Variants in PHKB observed in about 807,000 individuals in gnomAD.
PHKB encodes phosphorylase kinase regulatory subunit beta, also known as phosphorylase b kinase regulatory subunit beta.
Under a neutral mutation model 152.1 loss-of-function variants are expected in PHKB, and 122 were observed. The observed-to-expected ratio is 0.80, with a 90% CI of 0.69 to 0.93. The LOEUF is 0.93. PHKB is among the 40% of genes least tolerant of loss of function. PHKB has a pLI of 0.00. For missense variants in PHKB, 1,304 were observed against 1,328.4 expected (o/e 0.98, Z 0.29); for synonymous variants, 436 against 464.9 (o/e 0.94, Z 0.80).
At chr16:47,520,642 T>C (rs1970670191) in intron 6 of PHKB, among the ~76,000 whole-genome samples, 2 of 152,366 alleles carry the variant, frequency 1.3e-5, no homozygotes, top group Middle Eastern at 3.4e-3. Flanking sequence ...TATTCATGTA[T>C]AGTTGTTTCT....
rs759515147 is a variant in PHKB at position 47,669,261 on chromosome 16, C to T, written c.2474C>T (p.Pro825Leu). ...CATGAAGAAGAAGTTATCTCTAATC[C>T]TTTGTCTCCAAGAGTGATTCAAAAC... Reference protein sequence around the residue: ...FGHEEEVISNPLSPRVIQNII... With the variant: ...FGHEEEVISNLLSPRVIQNII... Residue 825 changes from proline (P) to leucine (L), a missense_variant, in exon 26 of 31, where the codon CCT (proline) becomes CTT (leucine). Transcript: ENST00000323584. 1 of 1,614,070 alleles carries T rather than the reference C, an allele frequency of 6.2e-7. No individual in the cohort carries two copies. Among genetic ancestry groups the T allele is most frequent in the Non-Finnish European group, 8.5e-7 (1 of 1,179,982 alleles).
intron 7 of PHKB, among the ~76,000 whole-genome samples, chr16:47,555,777 T>G (rs1359307743): frequency 1.3e-5 from 2 of 152,352 alleles, no homozygotes; most frequent in East Asian, 3.9e-4. Flanking sequence ...TGGTTCCATA[T>G]GAACTTTAAA....
At chr16:47,503,532 T>C (rs1474740096) in intron 4 of PHKB, among the ~76,000 whole-genome samples, 1 of 152,174 alleles carries the variant, frequency 6.6e-6, no homozygotes, top group Non-Finnish European at 1.5e-5. Context: ...ATTATAGGCT[T>C]AGAAAACAGC....
chr16:47,509,620 A>G (rs1970476086), intron 4 of PHKB, among the ~76,000 whole-genome samples: 1 of 152,026 alleles, frequency 6.6e-6, no homozygotes, highest in Admixed American at 6.5e-5. Context: ...TTAATTTTTT[A>G]TTTAATTTAA....
intron 1 of PHKB, among the ~76,000 whole-genome samples, chr16:47,475,251 G>C (rs967383923): frequency 2.6e-5 from 4 of 152,118 alleles, no homozygotes; most frequent in Admixed American, 6.6e-5. Flanking sequence ...TAAATTTACT[G>C]TGATCTTTGA....
chr16:47,669,443 T>C, intron 26 of PHKB, 26 bp downstream of exon 26: 1 of 1,602,236 alleles, frequency 6.2e-7, no homozygotes, highest in Non-Finnish European at 8.6e-7. Context: ...TGCATTTGCA[T>C]AAAGAGAATT....
Position 47,497,408 on chromosome 16 carries a change from A to G in PHKB, c.86A>G (p.Tyr29Cys), listed in dbSNP as rs1267922375. Reference protein sequence around the residue: ...RARTKRSGSVYEPLKSINLPR... With the variant: ...RARTKRSGSVCEPLKSINLPR... ...TTATTTTTTCTTTTAGGCTCAGTTT[A>G]TGAACCTCTTAAAAGCATTAATCTT... The change falls in exon 2 of 31, where the codon TAT becomes TGT. Residue 29 changes from tyrosine to cysteine, a missense_variant. Tyr to Cys is a radical substitution (Grantham distance 194, BLOSUM62 -2). Transcript: ENST00000323584. The G allele has an allele frequency of 6.3e-7, 1 of 1,597,006 alleles. No homozygotes were observed. Among genetic ancestry groups the G allele is most frequent in the South Asian group, 1.1e-5 (1 of 90,798 alleles).
intron 7 of PHKB, among the ~76,000 whole-genome samples, chr16:47,555,938 T>C (rs1011981085): frequency 6.6e-6 from 1 of 152,216 alleles, no homozygotes; most frequent in African/African-American, 2.4e-5. Flanking sequence ...CTTTGTATCC[T>C]CTTTTATTTC....
chr16:47,580,470 G>A, intron 8 of PHKB, 112 bp downstream of exon 8: 1 of 774,380 alleles, frequency 1.3e-6, no homozygotes, highest in South Asian at 1.5e-5. Context: ...CAAAATTTAT[G>A]TAGAAGCTCA....
chr16:47,528,749 T>A lies in PHKB; in HGVS notation c.594+13148T>A, dbSNP rs192143998. 8.7e-4 allele frequency among the ~76,000 whole-genome samples: 129 copies of A among 148,308 alleles called. 1 individual carries two copies. Among genetic ancestry groups the A allele is most frequent in the African/African-American group, 2.9e-3 (115 of 40,194 alleles). ...AGTCTCACTGTCTCCCAGGCTGGAG[T>A]GCAGTGGCATGATCTCAGTTCACTG... is the stretch of plus-strand genomic sequence containing the variant. On this transcript the variant is annotated intron_variant, in intron 6 of 30. Transcript: ENST00000323584.
At chr16:47,643,900 A>G (rs544264101) in intron 16 of PHKB, among the ~76,000 whole-genome samples, 3 of 152,210 alleles carry the variant, frequency 2.0e-5, no homozygotes, top group Admixed American at 6.5e-5. Flanking sequence ...ATTCTGCTCT[A>G]TGTATTTCCG....
intron 14 of PHKB, among the ~76,000 whole-genome samples, chr16:47,631,376 G>C (rs1972823640): frequency 6.6e-6 from 1 of 152,164 alleles, no homozygotes; most frequent in Non-Finnish European, 1.5e-5. Context: ...ACTCAAAAAA[G>C]CTCTTGAATA....
At chr16:47,527,119 T>A (rs1216639401) in intron 6 of PHKB, among the ~76,000 whole-genome samples, 1 of 152,114 alleles carries the variant, frequency 6.6e-6, no homozygotes, top group Non-Finnish European at 1.5e-5. Flanking sequence ...CTCCGTGAGT[T>A]ACTCGCCTCT....
chr16:47,479,060 A>G (rs540138620), intron 1 of PHKB, among the ~76,000 whole-genome samples: 1 of 152,328 alleles, frequency 6.6e-6, no homozygotes, highest in South Asian at 2.1e-4. Flanking sequence ...GACTTAGACC[A>G]GATACTTGTT....
intron 6 of PHKB, among the ~76,000 whole-genome samples, 175 bp from the exon 7 acceptor site, chr16:47,547,258 A>AT (rs1472021754): frequency 6.6e-6 from 1 of 151,822 alleles, no homozygotes; most frequent in Non-Finnish European, 1.5e-5. Flanking sequence ...TAATTTTTGT[A>AT]TTTTTTAGTA....
rs762897048 is a variant in PHKB, at chr16:47,464,001, T to G, written c.76+2575T>G. The stretch of plus-strand genomic sequence containing the variant: ...CCGCTTTCTTAAGGTCTGGTAAGTG[T>G]TGTAGACCCCAAAAGGGTCACTTGG... On this transcript the variant is annotated intron_variant, in intron 1 of 30. Coordinates refer to ENST00000323584, the MANE Select transcript of PHKB (RefSeq NM_000293.3). The G allele has an allele frequency of 3.9e-5, 61 of 1,548,566 alleles. No homozygotes were observed. In the South Asian group the frequency reaches 6.3e-4, roughly 16 times the overall value.
intron 14 of PHKB, among the ~76,000 whole-genome samples, chr16:47,631,358 G>T (rs1218652380): frequency 6.6e-6 from 1 of 152,160 alleles, no homozygotes; most frequent in East Asian, 1.9e-4. Flanking sequence ...GGGAGTTCTT[G>T]TGAGAATACT....
chr16:47,697,235 G>C (rs1974164221), intron 29 of PHKB, among the ~76,000 whole-genome samples: 2 of 152,168 alleles, frequency 1.3e-5, no homozygotes, highest in African/African-American at 4.8e-5. Context: ...AGCTCTGTGT[G>C]ACTGCCAACC....
rs1567296777 is a variant in PHKB at position 47,537,897 on chromosome 16, TCTCTC to T, written c.595-9535_595-9531del. Among the ~76,000 whole-genome samples, 134 of 150,260 alleles carry T rather than the reference TCTCTC, an allele frequency of 8.9e-4. 1 individual carries two copies. The highest frequency in any genetic ancestry group is 3.2e-3 in the African/African-American group (128 of 39,826). ...TTCTCTCTCTCTCTCTCTCTCTCTC[TCTCTC>T]TTTTTAAGTTGAGGCAAGGTCTCTC... On this transcript the variant is annotated intron_variant, in intron 6 of 30. Coordinates refer to ENST00000323584, the MANE Select transcript of PHKB (RefSeq NM_000293.3).
Sources: gnomAD v4.1 joint callset for allele counts (sites outside exome capture counted in the v4.1 genomes callset) on GRCh38, gnomAD v4.1.1 for gene constraint, MANE v1.5 for transcripts, NCBI Gene and HGNC (gene_info 2026-07-23, HGNC 2026-07-21) for gene names.